DNMBP: variants seen among roughly 807,000 people sequenced by gnomAD.
The protein encoded by DNMBP is dynamin binding protein.
DNMBP carries 87 observed loss-of-function variants against 150.0 expected under a neutral mutation model. The ratio of observed to expected loss-of-function variants is 0.58; its 90% CI spans 0.49 to 0.69. DNMBP has a LOEUF of 0.69. DNMBP is among the 30% of genes least tolerant of loss of function. The pLI, the probability that DNMBP is intolerant of heterozygous loss-of-function variation, is 0.00. For synonymous variants in DNMBP, 711 were observed against 750.4 expected, an observed-to-expected ratio of 0.95 and a Z score of 0.86; for missense variants, 1,774 against 1,949.0, an observed-to-expected ratio of 0.91 and a Z score of 1.69.
intron 1 of DNMBP, among the ~76,000 whole-genome samples, chr10:99,995,610 G>C (rs2040942675): frequency 6.6e-6 from 1 of 152,176 alleles, no homozygotes; most frequent in South Asian, 2.1e-4. Context: ...AGGCTTGTTG[G>C]GGGCATTTCA....
chr10:99,977,254 A>G (rs1238705449), intron 1 of DNMBP, among the ~76,000 whole-genome samples: 1 of 152,222 alleles, frequency 6.6e-6, no homozygotes, highest in Non-Finnish European at 1.5e-5. Flanking sequence ...AGTATGTATA[A>G]TATGACGAAT....
At chr10:99,928,339 C>T (rs1207385144) in intron 4 of DNMBP, 2 of 152,124 alleles carry the variant, frequency 1.3e-5, no homozygotes, top group Non-Finnish European at 2.9e-5. Flanking sequence ...CTGAAGGAGA[C>T]CTAGACGAGA....
intron 11 of DNMBP, chr10:99,889,186 ATC>A (rs774955364): frequency 6.6e-6 from 3 of 455,370 alleles, no homozygotes; most frequent in Non-Finnish European, 1.2e-5. Context: ...GGCTTTTATC[ATC>A]TCTTTAGCAT....
intron 4 of DNMBP, among the ~76,000 whole-genome samples, chr10:99,925,454 C>T (rs948697416): frequency 7.2e-5 from 11 of 152,082 alleles, no homozygotes; most frequent in Admixed American, 2.0e-4. Flanking sequence ...TTCACTCTGT[C>T]GCCCAGGCTG....
At chr10:100,009,580 T>C (rs73333965) in intron 1 of DNMBP, among the ~76,000 whole-genome samples, 3,336 of 152,238 alleles carry the variant, frequency 0.022, 110 homozygotes, top group African/African-American at 0.075. Flanking sequence ...CACGTTCGCA[T>C]TGCTCTGACC....
At chr10:99,898,376 T>A (rs1232673577) in intron 8 of DNMBP, 91 bp from the exon 9 acceptor site, 2 of 1,010,000 alleles carry the variant, frequency 2.0e-6, no homozygotes, top group South Asian at 2.7e-5. Flanking sequence ...AAAAAAAACT[T>A]TTTTTTAACA....
chr10:99,898,283 C>G lies in DNMBP; in HGVS notation c.2723G>C (p.Gly908Ala). The change falls in exon 9 of 17, where the codon GGA becomes GCA. Residue 908 changes from glycine (G) to alanine (A), a missense_variant and splice_region_variant. By Grantham distance (60) the Gly-to-Ala change is moderately conservative. Transcript: ENST00000324109. ...GCCCAGGTTAATATAATTTGTGCAT[C>G]CCCTGTAAGAGAAGGAAAAAAGACT... ...ADLKSLYNEW[G>A]CTNYINLGSF... 6.2e-7 allele frequency: 1 copy of G among 1,612,224 alleles called. No homozygotes were observed. The highest frequency in any genetic ancestry group is 8.5e-7 in the Non-Finnish European group (1 of 1,178,510).
chr10:99,915,232 C>CACACAT lies in DNMBP; in HGVS notation c.2261-6087_2261-6086insATGTGT, dbSNP rs1461268290. ...ATATACATACACACACACACACACA[C>CACACAT]ACGCATATATATAAAATTATGTAAG... On this transcript the variant is annotated intron_variant, in intron 4 of 16. Transcript: ENST00000324109. Among the ~76,000 whole-genome samples, 334 of 149,664 alleles carry CACACAT rather than the reference C, an allele frequency of 2.2e-3. 1 individual carries two copies. The highest frequency in any genetic ancestry group is 8.0e-3 in the African/African-American group (325 of 40,568).
chr10:99,891,157 T>TCCCTCTCC (rs1044654317), intron 11 of DNMBP, among the ~76,000 whole-genome samples: 6 of 150,460 alleles, frequency 4.0e-5, no homozygotes, highest in Non-Finnish European at 4.4e-5. Flanking sequence ...GAACTCCCTC[T>TCCCTCTCC]CCCTCTCCCC....
At position 99,879,810 on chromosome 10, in the gene DNMBP, C is replaced by G; in HGVS notation, c.4548+1G>C. ...CAGTGGCAGGCCTCTTACGCACTCA[C>G]CTGGTTGCCTTCTGCCTCACTGCCA... On this transcript the variant is annotated splice_donor_variant, in intron 16 of 16. Coordinates refer to ENST00000324109, the MANE Select transcript of DNMBP (RefSeq NM_015221.4). LOFTEE classifies it high-confidence loss of function. 6.2e-7 allele frequency: 1 copy of G among 1,613,880 alleles called. No individual in the cohort carries two copies. Among genetic ancestry groups the G allele is most frequent in the Non-Finnish European group, 8.5e-7 (1 of 1,179,770 alleles).
intron 4 of DNMBP, chr10:99,929,674 G>A (rs748176700): frequency 2.8e-6 from 2 of 702,916 alleles, no homozygotes; most frequent in Non-Finnish European, 5.2e-6. Flanking sequence ...GTGCGGCGGA[G>A]GCAACTATTC....
At chr10:99,898,659 G>T in intron 8 of DNMBP, 84 bp downstream of exon 8, 1 of 1,451,786 alleles carries the variant, frequency 6.9e-7, no homozygotes, top group Non-Finnish European at 9.6e-7. Context: ...GTCTATAAAG[G>T]AAGAAAATAC....
intron 4 of DNMBP, chr10:99,929,575 G>A (rs1469325976): frequency 3.2e-6 from 2 of 626,842 alleles, no homozygotes; most frequent in Admixed American, 5.5e-5. Flanking sequence ...CTATCTTTAT[G>A]CTTTATCTTA....
intron 10 of DNMBP, 117 bp from the exon 11 acceptor site, chr10:99,895,167 T>C (rs11190307): frequency 0.48 from 284,743 of 598,420 alleles, 71,793 homozygotes; most frequent in African/African-American, 0.59. Context: ...GCTCTTGTCG[T>C]CCAGGTTGGA....
At chr10:99,954,538 A>G (rs2040460878) in intron 4 of DNMBP, among the ~76,000 whole-genome samples, 2 of 151,502 alleles carry the variant, frequency 1.3e-5, no homozygotes, top group Admixed American at 1.3e-4. Flanking sequence ...TGAGGTCAGG[A>G]GTTCGAGACC....
At chr10:99,925,177 A>G (rs1326750069) in intron 4 of DNMBP, among the ~76,000 whole-genome samples, 1 of 151,840 alleles carries the variant, frequency 6.6e-6, no homozygotes, top group African/African-American at 2.4e-5. Flanking sequence ...CACTTTTCTG[A>G]TATTCTAAAT....
chr10:99,966,778 A>T (rs1047177810), intron 3 of DNMBP, among the ~76,000 whole-genome samples: 14 of 151,932 alleles, frequency 9.2e-5, no homozygotes, highest in African/African-American at 3.1e-4. Flanking sequence ...TTCTCTCGTT[A>T]ATACGTTTTG....
At chr10:99,906,816 C>T (rs540460539) in intron 6 of DNMBP, among the ~76,000 whole-genome samples, 1 of 152,340 alleles carries the variant, frequency 6.6e-6, no homozygotes, top group Non-Finnish European at 1.5e-5. Context: ...CACCTCCAGA[C>T]TCCTGACCTA....
chr10:99,997,424 AC>A (rs905028582), intron 1 of DNMBP, among the ~76,000 whole-genome samples: 1 of 152,144 alleles, frequency 6.6e-6, no homozygotes, highest in African/African-American at 2.4e-5. Context: ...CTCAGAAATG[AC>A]CTTGGGGCCA....
Sources: allele counts gnomAD v4.1 joint callset (sites outside exome capture counted in the v4.1 genomes callset), GRCh38; gene constraint gnomAD v4.1.1; transcripts MANE v1.5; gene names NCBI Gene and HGNC (gene_info 2026-07-23, HGNC 2026-07-21).